The following ZNF157 variants were observed in gnomAD, a reference collection of about 807,000 sequenced individuals.
The protein encoded by ZNF157 is zinc finger protein 157, also known as zinc finger protein 22.
Under a neutral mutation model 9.4 loss-of-function variants are expected in ZNF157, and 8 were observed. The observed-to-expected ratio is 0.85, with a 90% CI of 0.50 to 1.53. The LOEUF (loss-of-function observed/expected upper bound fraction) is 1.53, where lower values mean the gene tolerates loss of function less well. Ranked by LOEUF, ZNF157 falls within the 40% of genes most tolerant of loss-of-function variation. The pLI, the probability that ZNF157 is intolerant of heterozygous loss-of-function variation, is 0.00. For synonymous variants in ZNF157, 120 were observed against 130.8 expected, an observed-to-expected ratio of 0.92 and a Z score of 0.56; for missense variants, 316 against 385.2, an observed-to-expected ratio of 0.82 and a Z score of 1.50.
chrX:47,402,125 G>A (rs971825501), intron 1 of ZNF157, among the ~76,000 whole-genome samples: 7 of 111,354 alleles, frequency 6.3e-5, no homozygotes, highest in Non-Finnish European at 1.1e-4. Flanking sequence ...TTGGCTGTTC[G>A]AGGCCCTTTT....
At chrX:47,381,016 CAGG>C (rs1384942596) in intron 1 of ZNF157, among the ~76,000 whole-genome samples, 5 of 24,725 alleles carry the variant, frequency 2.0e-4, no homozygotes, top group South Asian at 1.5e-3. Flanking sequence ...GGAAGAGGAG[CAGG>C]AGGAGGAGGA....
rs185369659 is a variant in ZNF157, at chrX:47,395,730, C to G, written c.73-14546C>G. Among the ~76,000 whole-genome samples, 238 of 111,362 alleles carry G rather than the reference C, an allele frequency of 2.1e-3. 1 individual carries two copies. Among genetic ancestry groups the G allele is most frequent in the Middle Eastern group, 4.6e-3 (1 of 217 alleles). On this transcript the variant is annotated intron_variant, in intron 1 of 3. Coordinates refer to ENST00000377073, the MANE Select transcript of ZNF157 (RefSeq NM_003446.4). The stretch of plus-strand genomic sequence containing the variant: ...CTGTAATCCCAGCACTTTGGGAGGC[C>G]GAGGTGGGAGGGTCACTTGAGGTCA...
intron 1 of ZNF157, among the ~76,000 whole-genome samples, chrX:47,397,120 G>A (rs925296276): frequency 9.0e-6 from 1 of 110,578 alleles, no homozygotes; most frequent in African/African-American, 3.3e-5. Context: ...TTGGGTTGTT[G>A]TAGTTTTCAA....
intron 1 of ZNF157, among the ~76,000 whole-genome samples, chrX:47,399,975 C>G (rs746637166): frequency 9.4e-6 from 1 of 106,037 alleles, no homozygotes; most frequent in South Asian, 4.4e-4. Context: ...GCCACATTGC[C>G]CAGTTTCTGT....
intron 1 of ZNF157, among the ~76,000 whole-genome samples, chrX:47,401,252 C>T (rs1486326225): frequency 8.9e-6 from 1 of 112,084 alleles, no homozygotes; most frequent in African/African-American, 3.2e-5. Context: ...TCTGGAAATT[C>T]TCTGATCCAA....
At chrX:47,394,518 T>C (rs2055907675) in intron 1 of ZNF157, among the ~76,000 whole-genome samples, 1 of 111,904 alleles carries the variant, frequency 8.9e-6, no homozygotes. Flanking sequence ...TTCAAATACG[T>C]TGCTCGAAAA....
At chrX:47,374,164 A>T (rs1439719515) in intron 1 of ZNF157, among the ~76,000 whole-genome samples, 5 of 110,789 alleles carry the variant, frequency 4.5e-5, no homozygotes, top group Admixed American at 2.9e-4. Flanking sequence ...CCTGGCAGAT[A>T]GTGTCAGAAT....
Position 47,410,413 on chromosome X carries a change from T to C in ZNF157, c.199+11T>C. The stretch of plus-strand genomic sequence containing the variant: ...ACCTGGCATCTGTGGGTGAGGATGA[T>C]TGTCCGTGTAACTCCTGAGAGCGTG... On this transcript the variant is annotated intron_variant, in intron 2 of 3. Coordinates refer to ENST00000377073, the MANE Select transcript of ZNF157 (RefSeq NM_003446.4). The C allele has an allele frequency of 8.3e-7, 1 of 1,209,776 alleles. No homozygotes were observed. Among genetic ancestry groups the C allele is most frequent in the South Asian group, 1.8e-5 (1 of 56,702 alleles).
At chrX:47,371,391 G>C (rs1022251763) in intron 1 of ZNF157, among the ~76,000 whole-genome samples, 7 of 109,487 alleles carry the variant, frequency 6.4e-5, no homozygotes, top group Non-Finnish European at 1.3e-4. Context: ...TGTAATCCCA[G>C]CTCTTAGGGA....
intron 1 of ZNF157, among the ~76,000 whole-genome samples, chrX:47,379,800 C>T (rs1419398745): frequency 9.6e-6 from 1 of 104,025 alleles, no homozygotes; most frequent in African/African-American, 3.6e-5. Flanking sequence ...ATTTCTTCAC[C>T]GAATTTCTTT....
intron 1 of ZNF157, among the ~76,000 whole-genome samples, chrX:47,371,466 C>G (rs780739448): frequency 2.9e-4 from 29 of 101,643 alleles, no homozygotes; most frequent in Admixed American, 2.3e-3. Flanking sequence ...ATAGTGAGAC[C>G]CTGTTCTCCA....
intron 1 of ZNF157, among the ~76,000 whole-genome samples, chrX:47,399,251 T>C (rs1003491883): frequency 2.7e-5 from 3 of 111,927 alleles, no homozygotes; most frequent in Non-Finnish European, 5.6e-5. Context: ...ACCAAACTCA[T>C]GGGGTATCTC....
intron 1 of ZNF157, among the ~76,000 whole-genome samples, chrX:47,381,838 C>A (rs1462114104): frequency 8.9e-6 from 1 of 111,819 alleles, no homozygotes; most frequent in African/African-American, 3.3e-5. Context: ...ACCTAGCATG[C>A]CAGACTTGCT....
chrX:47,397,478 A>C (rs745876180), intron 1 of ZNF157, among the ~76,000 whole-genome samples: 38 of 107,670 alleles, frequency 3.5e-4, no homozygotes, highest in Non-Finnish European at 6.9e-4. Flanking sequence ...GCAGTAGCAC[A>C]ATCTCGGCTC....
intron 1 of ZNF157, among the ~76,000 whole-genome samples, chrX:47,396,019 G>A (rs985184719): frequency 1.8e-5 from 2 of 111,524 alleles, no homozygotes; most frequent in African/African-American, 6.5e-5. Flanking sequence ...CATGTTAGAT[G>A]ATAAGAGGAT....
Position 47,370,675 on chromosome X carries a change from G to A in ZNF157, c.7G>A (p.Ala3Thr), listed in dbSNP as rs758876631. Reference sequence around the variant, plus strand: ...GCTGAGGCCCAGGGTGAACATGCCAGCTAATGGGACATCACCCCAGAGATT... The same window carrying A: ...GCTGAGGCCCAGGGTGAACATGCCAACTAATGGGACATCACCCCAGAGATT... MP[A>T]NGTSPQRFPA... Residue 3 changes from alanine to threonine, a missense_variant, in exon 1 of 4, where the codon GCT becomes ACT. Physicochemically the swap from Ala to Thr is moderately conservative, Grantham distance 58 (BLOSUM62 0). Coordinates refer to ENST00000377073, the MANE Select transcript of ZNF157 (RefSeq NM_003446.4). 4.1e-6 allele frequency: 5 copies of A among 1,205,928 alleles called. No individual in the cohort carries two copies. The highest frequency in any genetic ancestry group is 5.6e-6 in the Non-Finnish European group (5 of 892,536).
chrX:47,384,036 G>A (rs189089061), intron 1 of ZNF157, among the ~76,000 whole-genome samples: 1 of 109,306 alleles, frequency 9.1e-6, no homozygotes, highest in Non-Finnish European at 1.9e-5. Flanking sequence ...TTGGGAGGCC[G>A]AGGCGGGTGG....
At chrX:47,403,448 G>A (rs1394494948) in intron 1 of ZNF157, among the ~76,000 whole-genome samples, 4 of 109,950 alleles carry the variant, frequency 3.6e-5, no homozygotes, top group East Asian at 2.9e-4. Context: ...ATTCTCCCAC[G>A]TCAGCCTCAT....
At chrX:47,390,003 CT>C (rs1490481547) in intron 1 of ZNF157, 1 of 112,255 alleles carries the variant, frequency 8.9e-6, no homozygotes, top group Non-Finnish European at 1.9e-5. Flanking sequence ...CTTTACCATC[CT>C]CTTGAATCTT....
Sources: allele counts gnomAD v4.1 joint callset (sites outside exome capture counted in the v4.1 genomes callset), GRCh38; gene constraint gnomAD v4.1.1; transcripts MANE v1.5; gene names NCBI Gene and HGNC (gene_info 2026-07-23, HGNC 2026-07-21).